The following NCKAP5 variants were observed in gnomAD, a reference collection of about 807,000 sequenced individuals.
NCKAP5 encodes nck-associated protein 5.
In NCKAP5, 92 loss-of-function variants were observed where a neutral mutation model predicts 167.0. The observed-to-expected ratio is 0.55, with a 90% CI of 0.47 to 0.66. NCKAP5 has a LOEUF of 0.66. NCKAP5 is among the 30% of genes least tolerant of loss of function. The probability of loss-of-function intolerance (pLI) is 0.00; values close to 1 mark genes in which losing one functional copy is unlikely to be tolerated. For missense variants in NCKAP5, 2,378 were observed against 2,315.0 expected (o/e 1.03, Z -0.56); for synonymous variants, 891 against 877.4 (o/e 1.02, Z -0.27).
At chr2:133,009,198 C>A (rs559844291) in intron 6 of NCKAP5, among the ~76,000 whole-genome samples, 6 of 152,262 alleles carry the variant, frequency 3.9e-5, no homozygotes, top group Admixed American at 1.3e-4. Flanking sequence ...TGGACATGAA[C>A]TATGAGAAAC....
chr2:133,334,252 T>C (rs183644412), intron 3 of NCKAP5, among the ~76,000 whole-genome samples: 7 of 152,148 alleles, frequency 4.6e-5, no homozygotes, highest in South Asian at 2.1e-4. Context: ...TCCTGTTTCA[T>C]AGGGCTTTTC....
chr2:132,679,663 C>T (rs80329101), intron 19 of NCKAP5, among the ~76,000 whole-genome samples: 1,618 of 152,196 alleles, frequency 0.011, 22 homozygotes, highest in African/African-American at 0.037. Flanking sequence ...GCAGAGCTTC[C>T]ATTTGGAAGC....
In NCKAP5 at chr2:133,326,583, G is replaced by A. The variant is rs77543592; in HGVS notation, c.70-23473C>T. Among the ~76,000 whole-genome samples the A allele has an allele frequency of 8.7e-3, 1,318 of 152,052 alleles. 46 individuals are homozygous for A. The highest frequency in any genetic ancestry group is 0.079 in the East Asian group (411 of 5,172). ...GAGAACAGTCCTCCATTCCCTCGGA[G>A]ACATTTTCCAGCTCTTTATTTGAAA... On this transcript the variant is annotated intron_variant, in intron 3 of 19. Transcript: ENST00000409261.
At chr2:133,168,059 T>G (rs901574539) in intron 5 of NCKAP5, among the ~76,000 whole-genome samples, 4 of 152,128 alleles carry the variant, frequency 2.6e-5, no homozygotes, top group Non-Finnish European at 5.9e-5. Context: ...ATCCTTACAA[T>G]GGCCCTAGAA....
At chr2:133,621,569 C>G in the NCKAP5 span, among the ~76,000 whole-genome samples, 5 of 151,212 alleles carry the variant, frequency 3.3e-5, no homozygotes, top group African/African-American at 4.8e-5. Context: ...TTAGATTAAA[C>G]CAGCAAGATA....
At chr2:132,923,676 A>C (rs1695618460) in intron 8 of NCKAP5, among the ~76,000 whole-genome samples, 1 of 152,230 alleles carries the variant, frequency 6.6e-6, no homozygotes, top group South Asian at 2.1e-4. Context: ...GCTAAGGATT[A>C]AATGAAAATA....
intron 3 of NCKAP5, among the ~76,000 whole-genome samples, chr2:133,453,414 T>C (rs1179807907): frequency 6.6e-6 from 1 of 152,148 alleles, no homozygotes; most frequent in Admixed American, 6.6e-5. Context: ...GATAAAAATA[T>C]TGTGCACAGC....
the NCKAP5 span, among the ~76,000 whole-genome samples, chr2:133,674,712 T>G: frequency 6.6e-6 from 1 of 152,148 alleles, no homozygotes; most frequent in Non-Finnish European, 1.5e-5. Context: ...AATGTTTCAC[T>G]TTAGCCCACT....
intron 19 of NCKAP5, among the ~76,000 whole-genome samples, chr2:132,714,254 T>G (rs1030777162): frequency 6.6e-6 from 1 of 152,218 alleles, no homozygotes; most frequent in Non-Finnish European, 1.5e-5. Flanking sequence ...TTTCTGGGGC[T>G]TTAGCTTCAC....
At chr2:133,026,793 C>A (rs1233650958) in intron 6 of NCKAP5, among the ~76,000 whole-genome samples, 1 of 152,158 alleles carries the variant, frequency 6.6e-6, no homozygotes, top group African/African-American at 2.4e-5. Flanking sequence ...TTTCTATAGA[C>A]AAAGTTCCTA....
intron 6 of NCKAP5, among the ~76,000 whole-genome samples, chr2:133,079,438 A>T (rs1383304656): frequency 1.3e-5 from 2 of 152,188 alleles, no homozygotes; most frequent in East Asian, 3.9e-4. Flanking sequence ...GTGCACAAAG[A>T]GGAACATTTA....
At chr2:133,340,078 C>T (rs575349853) in intron 3 of NCKAP5, among the ~76,000 whole-genome samples, 1 of 152,114 alleles carries the variant, frequency 6.6e-6, no homozygotes, top group Non-Finnish European at 1.5e-5. Context: ...GATCCCTGGC[C>T]AGCAAATTAT....
chr2:133,211,578 T>A (rs1289607990), intron 5 of NCKAP5, among the ~76,000 whole-genome samples: 1 of 152,212 alleles, frequency 6.6e-6, no homozygotes, highest in Non-Finnish European at 1.5e-5. Flanking sequence ...TAGCTGCTTC[T>A]ATGTCCTAAC....
At chr2:133,641,239 T>C in the NCKAP5 span, among the ~76,000 whole-genome samples, 2 of 152,240 alleles carry the variant, frequency 1.3e-5, no homozygotes, top group Admixed American at 1.3e-4. Context: ...GTTCAGTTGT[T>C]TTCTTTACTT....
chr2:132,976,118 A>G (rs2076970079), intron 7 of NCKAP5, among the ~76,000 whole-genome samples: 1 of 152,214 alleles, frequency 6.6e-6, no homozygotes, highest in African/African-American at 2.4e-5. Context: ...TAAGTGAAAT[A>G]AGCCAGGTAC....
At chr2:132,818,455 C>T (rs1245728974) in intron 11 of NCKAP5, among the ~76,000 whole-genome samples, 2 of 152,184 alleles carry the variant, frequency 1.3e-5, no homozygotes, top group East Asian at 1.9e-4. Context: ...GCAGGCAGAT[C>T]AACTGAGGTC....
chr2:133,487,167 G>T (rs1168774685), intron 3 of NCKAP5, among the ~76,000 whole-genome samples: 4 of 152,164 alleles, frequency 2.6e-5, no homozygotes, highest in Non-Finnish European at 5.9e-5. Flanking sequence ...CTAGCTGTAG[G>T]AATGGACGTT....
rs577750858 is a variant in NCKAP5 at position 133,216,309 on chromosome 2, C to T, written c.144-2530G>A. Reference sequence around the variant, plus strand: ...TTGGTAAAAAGAAGCTCCTGGACAACAGCTGTGTAAGAATCCAGAGAATAA... The same window carrying T: ...TTGGTAAAAAGAAGCTCCTGGACAATAGCTGTGTAAGAATCCAGAGAATAA... On this transcript the variant is annotated intron_variant, in intron 4 of 19. Coordinates refer to ENST00000409261, the MANE Select transcript of NCKAP5 (RefSeq NM_207363.3). Among the ~76,000 whole-genome samples the T allele has an allele frequency of 5.3e-5, 8 of 152,084 alleles. No homozygotes were observed. In the South Asian group the frequency reaches 8.3e-4, roughly 16 times the overall value.
the NCKAP5 span, among the ~76,000 whole-genome samples, chr2:133,587,224 G>C: frequency 6.6e-6 from 1 of 152,184 alleles, no homozygotes; most frequent in African/African-American, 2.4e-5. Context: ...GGGCTGGAAT[G>C]CTGGCTCCAC....
Sources: gnomAD v4.1 joint callset for allele counts (sites outside exome capture counted in the v4.1 genomes callset) on GRCh38, gnomAD v4.1.1 for gene constraint, MANE v1.5 for transcripts, NCBI Gene and HGNC (gene_info 2026-07-23, HGNC 2026-07-21) for gene names.